ANK2: variants seen among roughly 807,000 people sequenced by gnomAD.
ANK2 encodes ankyrin-2.
In ANK2, 83 loss-of-function variants were observed where a neutral mutation model predicts 360.5. The observed-to-expected ratio is 0.23, with a 90% CI of 0.19 to 0.28. ANK2 has a LOEUF of 0.28. Among genes scored for constraint, ANK2 ranks in the 10% least tolerant of loss-of-function variants. The pLI is 1.00. For missense variants in ANK2, 4,201 were observed against 4,795.7 expected (o/e 0.88, Z 3.66); for synonymous variants, 1,740 against 1,759.5 (o/e 0.99, Z 0.28).
intron 1 of ANK2, among the ~76,000 whole-genome samples, chr4:112,859,860 G>T (rs2067424762): frequency 6.6e-6 from 1 of 152,214 alleles, no homozygotes; most frequent in Non-Finnish European, 1.5e-5. Context: ...ATAATAGAAA[G>T]ATGATGTTTG....
At chr4:113,313,126 GC>G (rs549640861) in intron 24 of ANK2, among the ~76,000 whole-genome samples, 16 of 152,176 alleles carry the variant, frequency 1.1e-4, no homozygotes, top group Non-Finnish European at 1.9e-4. Context: ...AGAAGGAGGA[GC>G]CCCTCTGGAG....
chr4:112,714,763 A>G, the ANK2 span, among the ~76,000 whole-genome samples: 2 of 152,336 alleles, frequency 1.3e-5, no homozygotes, highest in South Asian at 2.1e-4. Flanking sequence ...TTCATTCACT[A>G]CAAGGTTTGG....
chr4:113,005,422 G>A (rs554244021), intron 2 of ANK2, among the ~76,000 whole-genome samples: 51 of 152,276 alleles, frequency 3.3e-4, no homozygotes, highest in African/African-American at 1.2e-3. Context: ...AAGAGGATTT[G>A]CTATTTGCTG....
At position 113,287,717 on chromosome 4, in the gene ANK2, C is replaced by G. The variant is rs773936290; in HGVS notation, c.2178+14C>G. ...GCTCATACAAAGGTAAAGCAAATCA[C>G]TCTCAGTATTGTGACAGGTTCTGGC... is the stretch of plus-strand genomic sequence containing the variant. On this transcript the variant is annotated intron_variant, in intron 19 of 45. Coordinates refer to ENST00000357077, the MANE Select transcript of ANK2 (RefSeq NM_001148.6). The G allele has an allele frequency of 3.1e-6, 5 of 1,588,858 alleles. No homozygotes were observed. The highest frequency in any genetic ancestry group is 4.3e-6 in the Non-Finnish European group (5 of 1,157,602).
chr4:113,259,500 T>C (rs1302803427), intron 13 of ANK2, among the ~76,000 whole-genome samples: 3 of 152,324 alleles, frequency 2.0e-5, no homozygotes, highest in South Asian at 2.1e-4. Context: ...AAGTTTCTGA[T>C]GGCTAGGAAA....
chr4:113,006,052 A>G (rs148635370), intron 2 of ANK2, among the ~76,000 whole-genome samples: 4,303 of 152,232 alleles, frequency 0.028, 96 homozygotes, highest in Non-Finnish European at 0.038. Flanking sequence ...TTTTTCCTTT[A>G]TAAATTACCA....
intron 34 of ANK2, among the ~76,000 whole-genome samples, chr4:113,343,885 T>C (rs939032516): frequency 2.0e-5 from 3 of 152,224 alleles, no homozygotes; most frequent in Non-Finnish European, 4.4e-5. Context: ...CTCTTAGGTA[T>C]AGGCTGGCTT....
chr4:113,359,097 A>G lies in ANK2; in HGVS notation c.10479A>G (p.Thr3493=). 3.7e-6 allele frequency: 6 copies of G among 1,614,072 alleles called. No homozygotes were observed. The highest frequency in any genetic ancestry group is 5.1e-6 in the Non-Finnish European group (6 of 1,179,944). Residue 3493 remains threonine (T), a synonymous_variant, in exon 38 of 46, where the codon ACA becomes ACG. Transcript: ENST00000357077. ...DEASKLVDRL[T]QSEREQEIVS... ...CTTCCAAATTAGTGGATAGGCTGAC[A>G]CAGTCAGAGAGGGAGCAGGAAATAG...
At chr4:112,968,528 G>T (rs2154264662) in intron 2 of ANK2, among the ~76,000 whole-genome samples, 1 of 152,326 alleles carries the variant, frequency 6.6e-6, no homozygotes, top group South Asian at 2.1e-4. Flanking sequence ...TAAGAATAAA[G>T]GGGTGAGGAT....
At position 112,911,029 on chromosome 4, in the gene ANK2, C is replaced by G. The variant is rs1439900794; in HGVS notation, c.21+6515C>G. ...CTGGAGTGCAGTGGCACGATCTCAG[C>G]TCACTGCAACGTCCGACTCCCGGGT... On this transcript the variant is annotated intron_variant, in intron 2 of 30. Coordinates refer to the ANK2 transcript ENST00000503271. Among the ~76,000 whole-genome samples, 4 of 147,324 alleles carry G rather than the reference C, an allele frequency of 2.7e-5. No individual in the cohort carries two copies. The South Asian group carries it at 6.4e-4, about 24-fold the overall frequency.
chr4:113,012,343 G>A (rs1355236481), intron 2 of ANK2, among the ~76,000 whole-genome samples: 3 of 152,056 alleles, frequency 2.0e-5, no homozygotes, highest in Admixed American at 6.5e-5. Context: ...TGACCTTCCC[G>A]ATTAAAATCT....
At chr4:112,826,224 C>G in intron 1 of ANK2, 1 of 359,812 alleles carries the variant, frequency 2.8e-6, no homozygotes, top group Non-Finnish European at 5.1e-6. Flanking sequence ...CCAGTCAGTC[C>G]AGACTTTCTA....
intron 1 of ANK2, among the ~76,000 whole-genome samples, chr4:112,829,817 G>C (rs1470113620): frequency 6.6e-6 from 1 of 152,022 alleles, no homozygotes; most frequent in Non-Finnish European, 1.5e-5. Flanking sequence ...AAATTAGCTG[G>C]GCGTGGTGGT....
At chr4:113,177,792 A>G (rs947019598) in intron 2 of ANK2, among the ~76,000 whole-genome samples, 1 of 152,234 alleles carries the variant, frequency 6.6e-6, no homozygotes, top group African/African-American at 2.4e-5. Context: ...AAGCCCACAC[A>G]AAATTTAGAG....
the ANK2 span, among the ~76,000 whole-genome samples, chr4:112,780,199 AAAG>A: frequency 2.6e-5 from 4 of 152,020 alleles, no homozygotes; most frequent in African/African-American, 4.8e-5. Flanking sequence ...AAAAAAAAAA[AAAG>A]AAGTCAGTGA....
chr4:113,356,793 TACTC>T lies in ANK2; in HGVS notation c.8177_8180del (p.Thr2726ArgfsTer17). The stretch of plus-strand genomic sequence containing the variant: ...AATATACTTTCAAGATGAATGAAGA[TACTC>T]AGGAAGAGCCAGGCAAATCAGAAGA... On this transcript the variant is annotated frameshift_variant, in exon 38 of 46. Transcript: ENST00000357077. LOFTEE classifies it high-confidence loss of function. The T allele has an allele frequency of 6.2e-7, 1 of 1,614,076 alleles. No individual in the cohort carries two copies. The highest frequency in any genetic ancestry group is 8.5e-7 in the Non-Finnish European group (1 of 1,179,972).
intron 2 of ANK2, among the ~76,000 whole-genome samples, chr4:112,969,121 G>T (rs963652482): frequency 2.6e-5 from 4 of 152,154 alleles, no homozygotes. Context: ...GTTCTAGGAG[G>T]TATTTTCCAA....
intron 26 of ANK2, 41 bp downstream of exon 26, chr4:113,318,661 A>C (rs771309382): frequency 1.3e-6 from 2 of 1,513,208 alleles, no homozygotes; most frequent in African/African-American, 2.8e-5. Flanking sequence ...AAGAGGTAAA[A>C]AGAGATGGGA....
intron 2 of ANK2, among the ~76,000 whole-genome samples, chr4:113,027,919 A>C (rs2059618494): frequency 6.6e-6 from 1 of 152,126 alleles, no homozygotes; most frequent in South Asian, 2.1e-4. Flanking sequence ...TGGTGACATA[A>C]TTTTGTTTAC....
Sources: allele counts gnomAD v4.1 joint callset (sites outside exome capture counted in the v4.1 genomes callset), GRCh38; gene constraint gnomAD v4.1.1; transcripts MANE v1.5; gene names NCBI Gene and HGNC (gene_info 2026-07-23, HGNC 2026-07-21).